ZNF782: variants seen among roughly 807,000 people sequenced by gnomAD.
ZNF782 encodes the protein zinc finger protein 782.
ZNF782 carries 12 observed loss-of-function variants against 13.0 expected under a neutral mutation model. The observed-to-expected ratio is 0.92, with a 90% CI of 0.59 to 1.50. The LOEUF is 1.50. ZNF782 is among the 40% of genes most tolerant of loss of function. The pLI, the probability that ZNF782 is intolerant of heterozygous loss-of-function variation, is 0.00. For missense variants in ZNF782, 770 were observed against 822.9 expected (o/e 0.94, Z 0.79); for synonymous variants, 284 against 283.0 (o/e 1.00, Z -0.04).
At chr9:96,912,133 G>A in the ZNF782 span, among the ~76,000 whole-genome samples, 19 of 149,346 alleles carry the variant, frequency 1.3e-4, 1 homozygote, top group South Asian at 3.9e-3. Flanking sequence ...CCCGGGAGTC[G>A]GAGGTTGTGG....
At chr9:96,926,995 T>A in the ZNF782 span, among the ~76,000 whole-genome samples, 1 of 152,142 alleles carries the variant, frequency 6.6e-6, no homozygotes, top group African/African-American at 2.4e-5. Context: ...TCACTCCTCA[T>A]CTCCTTTGGC....
chr9:96,848,489 C>G (rs1238197357), intron 3 of ZNF782, among the ~76,000 whole-genome samples: 5 of 152,106 alleles, frequency 3.3e-5, no homozygotes, highest in African/African-American at 1.2e-4. Context: ...TCAATGTAAA[C>G]AAATCAGCAG....
chr9:96,923,344 G>A, the ZNF782 span, among the ~76,000 whole-genome samples: 3 of 150,282 alleles, frequency 2.0e-5, no homozygotes, highest in Admixed American at 2.0e-4. Flanking sequence ...TCACACAGAA[G>A]TAACTCCTCC....
the ZNF782 span, among the ~76,000 whole-genome samples, chr9:96,925,832 A>G: frequency 6.7e-6 from 1 of 149,160 alleles, no homozygotes; most frequent in African/African-American, 2.5e-5. Context: ...TCTGCCAGAC[A>G]CAGCATGGAG....
chr9:96,873,694 T>C (rs1851855516), intron 1 of ZNF782, among the ~76,000 whole-genome samples: 1 of 152,182 alleles, frequency 6.6e-6, no homozygotes, highest in South Asian at 2.1e-4. Flanking sequence ...CGAGACCTTG[T>C]CTCACACACA....
At chr9:96,931,625 T>C in the ZNF782 span, 13 of 1,326,576 alleles carry the variant, frequency 9.8e-6, no homozygotes, top group Non-Finnish European at 1.4e-5. Context: ...AGTTTCCCTG[T>C]CACATGCCCT....
the ZNF782 span, among the ~76,000 whole-genome samples, chr9:96,920,392 G>A: frequency 6.7e-6 from 1 of 148,286 alleles, no homozygotes; most frequent in African/African-American, 2.5e-5. Flanking sequence ...TCAGCCTCCC[G>A]AGTAGCTGGG....
rs575393915 is a variant in ZNF782 at position 96,862,759 on chromosome 9, T to C, written c.-456-1156A>G. 2.0e-5 allele frequency among the ~76,000 whole-genome samples: 3 copies of C among 152,360 alleles called. No homozygotes were observed. The South Asian group carries it at 6.2e-4, about 32-fold the overall frequency. ...GTACTTTGAAAGTTGAAGAAGCTAG[T>C]GTGCCTTTAATCACTACAGTTTTCG... is the stretch of plus-strand genomic sequence containing the variant. On this transcript the variant is annotated intron_variant, in intron 1 of 5. Coordinates refer to the ZNF782 transcript ENST00000498811.
At chr9:96,868,984 C>G (rs77472662) in intron 1 of ZNF782, among the ~76,000 whole-genome samples, 1 of 152,032 alleles carries the variant, frequency 6.6e-6, no homozygotes, top group Non-Finnish European at 1.5e-5. Context: ...GCTACTTTGA[C>G]CTTTGCGCCT....
intron 1 of ZNF782, among the ~76,000 whole-genome samples, chr9:96,869,397 C>A (rs1851798390): frequency 6.6e-6 from 1 of 152,122 alleles, no homozygotes; most frequent in Non-Finnish European, 1.5e-5. Context: ...ATATATAATG[C>A]ACTTAACATT....
In ZNF782 at chr9:96,874,088, C is replaced by T. The variant is rs373862934; in HGVS notation, c.-457+1380G>A. 5.3e-5 allele frequency among the ~76,000 whole-genome samples: 8 copies of T among 152,154 alleles called. No homozygotes were observed. The East Asian group carries it at 1.2e-3, about 22-fold the overall frequency. On this transcript the variant is annotated intron_variant, in intron 1 of 5. Coordinates refer to the ZNF782 transcript ENST00000498811. ...GTATTGTGTGAACTAAAACTTTTAC[C>T]TCTTCATTACAAGGAAAAGACAATA...
chr9:96,903,632 G>A, the ZNF782 span, among the ~76,000 whole-genome samples: 15 of 121,206 alleles, frequency 1.2e-4, no homozygotes, highest in African/African-American at 3.8e-4. Flanking sequence ...GCGCAATCTC[G>A]GCTCACTGCA....
chr9:96,859,938 A>C (rs1851684313), intron 3 of ZNF782, among the ~76,000 whole-genome samples: 1 of 152,260 alleles, frequency 6.6e-6, no homozygotes, highest in African/African-American at 2.4e-5. Flanking sequence ...CCACAAGCTG[A>C]CTGAGAGCCC....
chr9:96,885,723 G>GA, the ZNF782 span, among the ~76,000 whole-genome samples: 1 of 151,954 alleles, frequency 6.6e-6, no homozygotes, highest in South Asian at 2.1e-4. Context: ...AAAAAACAAA[G>GA]AAAAAAGTCT....
At chr9:96,892,733 G>A in the ZNF782 span, 2 of 151,872 alleles carry the variant, frequency 1.3e-5, no homozygotes, top group Non-Finnish European at 2.9e-5. Context: ...TTTAAATTGA[G>A]ATAATAAAGC....
At chr9:96,903,556 GTTTTTTTTTTT>G in the ZNF782 span, among the ~76,000 whole-genome samples, 11 of 75,464 alleles carry the variant, frequency 1.5e-4, no homozygotes, top group African/African-American at 3.5e-4. Context: ...TTTTATGTTG[GTTTTTTTTTTT>G]TTTTTTTTTT....
chr9:96,824,108 GA>G (rs1850518530), intron 5 of ZNF782, among the ~76,000 whole-genome samples: 1 of 151,350 alleles, frequency 6.6e-6, no homozygotes, highest in African/African-American at 2.4e-5. Flanking sequence ...CCAAAAAAGA[GA>G]ATTTTAGACC....
At chr9:96,898,962 A>T in the ZNF782 span, among the ~76,000 whole-genome samples, 2 of 148,216 alleles carry the variant, frequency 1.3e-5, no homozygotes, top group African/African-American at 5.1e-5. Flanking sequence ...CCATCTCCAG[A>T]ACTTTTTCAC....
upstream of ZNF782, among the ~76,000 whole-genome samples, chr9:96,876,959 A>G (rs1851900067): frequency 6.9e-6 from 1 of 145,298 alleles, no homozygotes; most frequent in African/African-American, 2.7e-5. Context: ...AAAAAAAAAA[A>G]AAAAAAAAAA....
Sources: gnomAD v4.1 joint callset for allele counts (sites outside exome capture counted in the v4.1 genomes callset) on GRCh38, gnomAD v4.1.1 for gene constraint, MANE v1.5 for transcripts, NCBI Gene and HGNC (gene_info 2026-07-23, HGNC 2026-07-21) for gene names.